TNNI3K: variants seen among roughly 807,000 people sequenced by gnomAD.
TNNI3K encodes the protein TNNI3 interacting kinase, also known as serine/threonine-protein kinase TNNI3K.
Under a neutral mutation model 114.5 loss-of-function variants are expected in TNNI3K, and 140 were observed. The ratio of observed to expected loss-of-function variants is 1.22; its 90% CI spans 1.07 to 1.41. The LOEUF is 1.41. Among genes scored for constraint, TNNI3K ranks in the 40% most tolerant of loss-of-function variants. TNNI3K has a pLI of 0.00. For synonymous variants in TNNI3K, 347 were observed against 347.5 expected, an observed-to-expected ratio of 1.00 and a Z score of 0.02; for missense variants, 1,125 against 1,007.6, an observed-to-expected ratio of 1.12 and a Z score of -1.58.
At chr1:74,495,473 CAG>C (rs1344549556) in intron 23 of TNNI3K, among the ~76,000 whole-genome samples, 1 of 152,124 alleles carries the variant, frequency 6.6e-6, no homozygotes, top group Non-Finnish European at 1.5e-5. Flanking sequence ...GCTCAATAAA[CAG>C]GAATTATTTT....
chr1:74,329,960 T>C (rs922483947), intron 5 of TNNI3K, among the ~76,000 whole-genome samples: 1 of 152,024 alleles, frequency 6.6e-6, no homozygotes, highest in Admixed American at 6.6e-5. Context: ...TTTTCTCTTC[T>C]AATAGACTTT....
chr1:74,452,018 G>A (rs996934005), intron 20 of TNNI3K, among the ~76,000 whole-genome samples: 11 of 151,946 alleles, frequency 7.2e-5, no homozygotes, highest in African/African-American at 9.7e-5. Context: ...ACATAAACCT[G>A]ATATATTACC....
chr1:74,247,306 T>C (rs1654630519), intron 2 of TNNI3K, among the ~76,000 whole-genome samples: 1 of 151,878 alleles, frequency 6.6e-6, no homozygotes, highest in Admixed American at 6.6e-5. Flanking sequence ...CCGTCCGGAG[T>C]TGTTCATTCC....
chr1:74,480,488 C>T (rs899218527), intron 21 of TNNI3K: 2 of 717,372 alleles, frequency 2.8e-6, no homozygotes, highest in Non-Finnish European at 5.2e-6. Flanking sequence ...TAACCTATTT[C>T]GGGAAAGGTC....
At chr1:74,445,325 T>A (rs568326709) in intron 20 of TNNI3K, among the ~76,000 whole-genome samples, 50 of 142,280 alleles carry the variant, frequency 3.5e-4, no homozygotes, top group Admixed American at 1.1e-3. Flanking sequence ...ACCCACTAAC[T>A]CGTCATCTAG....
intron 20 of TNNI3K, among the ~76,000 whole-genome samples, chr1:74,442,277 T>C (rs184444645): frequency 7.4e-4 from 113 of 152,184 alleles, no homozygotes; most frequent in Middle Eastern, 3.4e-3. Context: ...CAGTTGACCA[T>C]ATATGTATGC....
chr1:74,443,907 A>G (rs1666502018), intron 20 of TNNI3K, among the ~76,000 whole-genome samples: 1 of 152,140 alleles, frequency 6.6e-6, no homozygotes, highest in South Asian at 2.1e-4. Context: ...AAAGACAGAA[A>G]CCTCATGATT....
chr1:74,335,650 G>C (rs1261864989), intron 6 of TNNI3K, among the ~76,000 whole-genome samples: 1 of 152,154 alleles, frequency 6.6e-6, no homozygotes, highest in African/African-American at 2.4e-5. Flanking sequence ...GGTTTCTGGA[G>C]AGTTTTTAAG....
At chr1:74,245,198 G>A (rs1053411730) in intron 2 of TNNI3K, among the ~76,000 whole-genome samples, 3 of 152,192 alleles carry the variant, frequency 2.0e-5, no homozygotes, top group African/African-American at 7.2e-5. Flanking sequence ...TAATCCCAAT[G>A]TATTACAACT....
At chr1:74,478,564 G>T (rs1668322035) in intron 21 of TNNI3K, among the ~76,000 whole-genome samples, 1 of 152,024 alleles carries the variant, frequency 6.6e-6, no homozygotes, top group Non-Finnish European at 1.5e-5. Flanking sequence ...AATCCTCTAT[G>T]AAAAAAAGGG....
intron 21 of TNNI3K, chr1:74,470,874 A>G (rs1667893168): frequency 7.5e-6 from 3 of 400,536 alleles, no homozygotes; most frequent in Admixed American, 8.8e-5. Context: ...GATTTAACTC[A>G]CTGGTCTTTG....
intron 20 of TNNI3K, among the ~76,000 whole-genome samples, chr1:74,453,443 T>A (rs1667107180): frequency 1.3e-5 from 2 of 152,168 alleles, no homozygotes; most frequent in Admixed American, 1.3e-4. Flanking sequence ...AAGCTACATA[T>A]TAGCCATTTA....
At chr1:74,487,746 A>T (rs907001297) in intron 21 of TNNI3K, among the ~76,000 whole-genome samples, 2 of 152,208 alleles carry the variant, frequency 1.3e-5, no homozygotes, top group African/African-American at 4.8e-5. Context: ...ACTTTAGGAC[A>T]TATTTGGAAC....
intron 5 of TNNI3K, among the ~76,000 whole-genome samples, chr1:74,304,029 T>C (rs774386555): frequency 3.3e-5 from 5 of 152,236 alleles, no homozygotes; most frequent in Admixed American, 6.5e-5. Context: ...ATTCTTCTTA[T>C]GGATGAACAA....
At chr1:74,272,238 T>C (rs1032890929) in intron 5 of TNNI3K, among the ~76,000 whole-genome samples, 1 of 151,790 alleles carries the variant, frequency 6.6e-6, no homozygotes, top group Non-Finnish European at 1.5e-5. Flanking sequence ...AGCAAGAAAG[T>C]CAGGCAAAAT....
chr1:74,336,228 A>C, intron 7 of TNNI3K, 79 bp downstream of exon 7: 1 of 1,489,650 alleles, frequency 6.7e-7, no homozygotes, highest in Non-Finnish European at 8.8e-7. Context: ...TTACTAGAGA[A>C]TAATCTTGAA....
At chr1:74,461,344 G>C (rs1667446654) in intron 20 of TNNI3K, among the ~76,000 whole-genome samples, 1 of 152,062 alleles carries the variant, frequency 6.6e-6, no homozygotes, top group Admixed American at 6.5e-5. Flanking sequence ...GCTGGGGGTG[G>C]TGGCATGTGC....
chr1:74,411,275 T>C (rs1410738926), intron 17 of TNNI3K, among the ~76,000 whole-genome samples: 2 of 152,230 alleles, frequency 1.3e-5, no homozygotes, highest in Non-Finnish European at 2.9e-5. Flanking sequence ...ATTTAACTGC[T>C]AATTATCATC....
At chr1:74,346,441 C>T (rs1433789940) in intron 9 of TNNI3K, among the ~76,000 whole-genome samples, 1 of 152,042 alleles carries the variant, frequency 6.6e-6, no homozygotes, top group Non-Finnish European at 1.5e-5. Context: ...TATATCTTAT[C>T]TCCTTTTATG....
Sources: allele counts gnomAD v4.1 joint callset (sites outside exome capture counted in the v4.1 genomes callset), GRCh38; gene constraint gnomAD v4.1.1; transcripts MANE v1.5; gene names NCBI Gene and HGNC (gene_info 2026-07-23, HGNC 2026-07-21).